The following MICAL2 variants were observed in gnomAD, a reference collection of about 807,000 sequenced individuals.
The protein encoded by MICAL2 is [F-actin]-monooxygenase MICAL2.
In MICAL2, 77 loss-of-function variants were observed where a neutral mutation model predicts 127.3. The observed-to-expected ratio is 0.60, with a 90% CI of 0.50 to 0.73. The LOEUF (loss-of-function observed/expected upper bound fraction) is 0.73. Among genes scored for constraint, MICAL2 ranks in the 30% least tolerant of loss-of-function variants. The pLI is 0.00. For synonymous variants in MICAL2, 570 were observed against 551.1 expected, an observed-to-expected ratio of 1.03 and a Z score of -0.48; for missense variants, 1,351 against 1,434.4, an observed-to-expected ratio of 0.94 and a Z score of 0.94.
At chr11:12,213,233 T>A in intron 6 of MICAL2, 22 bp from the exon 7 acceptor site, 1 of 1,584,464 alleles carries the variant, frequency 6.3e-7, no homozygotes. Flanking sequence ...ATAGACCCAC[T>A]TTTTCATTTC....
At chr11:12,177,663 A>T (rs1856982126) in intron 3 of MICAL2, among the ~76,000 whole-genome samples, 1 of 152,118 alleles carries the variant, frequency 6.6e-6, no homozygotes, top group South Asian at 2.1e-4. Context: ...ATTTTGATTA[A>T]TTTTTGTATA....
In MICAL2 at chr11:12,213,370, C is replaced by A. The variant is rs775293760; in HGVS notation, c.807C>A (p.Ile269=). The A allele has an allele frequency of 2.2e-5, 35 of 1,613,864 alleles. No individual in the cohort carries two copies. The highest frequency in any genetic ancestry group is 1.0e-5 in the Non-Finnish European group (12 of 1,179,904). Residue 269 remains isoleucine, a synonymous_variant, in exon 7 of 28, where the codon ATC becomes ATA. Transcript: ENST00000683283. ...KVEEISGVAF[I]FNQKFFQDLK... is the part of the protein sequence containing the mutation. Reference sequence around the variant, plus strand: ...AAGAGATTAGTGGTGTGGCTTTCATCTTCAATCAGAAATTTTTTCAGGACC... The same window carrying A: ...AAGAGATTAGTGGTGTGGCTTTCATATTCAATCAGAAATTTTTTCAGGACC...
Position 12,284,308 on chromosome 11 carries a change from T to A in MICAL2, c.255-2779T>A, listed in dbSNP as rs184278257. On this transcript the variant is annotated intron_variant, in intron 2 of 2. Transcript: ENST00000529028. ...ATGAAATGATATCATCAGCACCACA[T>A]GGGAAAATACCCTCTCACTCCTTTT... Among the ~76,000 whole-genome samples the A allele has an allele frequency of 6.3e-4, 96 of 152,302 alleles. 1 individual carries two copies. Among genetic ancestry groups the A allele is most frequent in the Non-Finnish European group, 1.2e-3 (85 of 68,028 alleles).
chr11:12,276,186 A>G (rs1863720809), intron 1 of MICAL2: 1 of 398,698 alleles, frequency 2.5e-6, no homozygotes, highest in Non-Finnish European at 4.4e-6. Context: ...GGCTGCTGCC[A>G]GATGGGGACA....
chr11:12,192,432 A>G (rs527493529), intron 3 of MICAL2, among the ~76,000 whole-genome samples: 1 of 152,300 alleles, frequency 6.6e-6, no homozygotes, highest in East Asian at 1.9e-4. Flanking sequence ...AATGGGATGG[A>G]CTGGACTCTG....
chr11:12,152,952 GTT>G (rs796764843), intron 2 of MICAL2, among the ~76,000 whole-genome samples: 3 of 145,066 alleles, frequency 2.1e-5, no homozygotes. Context: ...TGGTGGTAGG[GTT>G]TTTTTTTTTG....
upstream of MICAL2, chr11:12,275,955 A>T (rs544978232): frequency 2.5e-6 from 1 of 399,176 alleles, no homozygotes; most frequent in South Asian, 1.3e-4. Flanking sequence ...CATTTGCACC[A>T]TCTCTCTAGA....
intron 26 of MICAL2, chr11:12,260,977 C>T (rs1164269271): frequency 8.1e-6 from 8 of 985,452 alleles, no homozygotes; most frequent in Non-Finnish European, 9.6e-6. Context: ...GATGCAGTGC[C>T]AAAGATGAGC....
chr11:12,277,157 G>A (rs759819607), intron 1 of MICAL2, among the ~76,000 whole-genome samples: 2 of 152,118 alleles, frequency 1.3e-5, no homozygotes, highest in Non-Finnish European at 2.9e-5. Context: ...GGGCCAGTAG[G>A]GTTCTGCTCT....
At chr11:12,298,124 A>G (rs1268327095) in intron 29 of MICAL2, among the ~76,000 whole-genome samples, 1 of 151,974 alleles carries the variant, frequency 6.6e-6, no homozygotes, top group Non-Finnish European at 1.5e-5. Context: ...GCAAGAACTT[A>G]TAAAATTATG....
intron 31 of MICAL2, among the ~76,000 whole-genome samples, chr11:12,324,913 C>T (rs1006725378): frequency 6.6e-6 from 1 of 152,126 alleles, no homozygotes; most frequent in African/African-American, 2.4e-5. Context: ...TTCCTTGAAA[C>T]ACTGCAACTT....
At chr11:12,325,261 C>G (rs1236993518) in intron 31 of MICAL2, among the ~76,000 whole-genome samples, 1 of 152,098 alleles carries the variant, frequency 6.6e-6, no homozygotes, top group Non-Finnish European at 1.5e-5. Flanking sequence ...AGAAGCCCAC[C>G]ACCACGCCCA....
At chr11:12,241,879 A>C (rs1227407400) in intron 18 of MICAL2, among the ~76,000 whole-genome samples, 5 of 150,386 alleles carry the variant, frequency 3.3e-5, no homozygotes, top group Admixed American at 3.3e-4. Context: ...AGTCCAGAGC[A>C]ATCCAATCGA....
chr11:12,222,087 C>T (rs1415949572), intron 10 of MICAL2, among the ~76,000 whole-genome samples: 1 of 152,182 alleles, frequency 6.6e-6, no homozygotes, highest in Non-Finnish European at 1.5e-5. Context: ...AGGGAATCTT[C>T]CAGGGCAGCG....
chr11:12,209,703 A>G, intron 6 of MICAL2, 105 bp downstream of exon 6: 4 of 1,039,568 alleles, frequency 3.8e-6, no homozygotes, highest in East Asian at 2.4e-5. Flanking sequence ...CCAGAGCTGG[A>G]TGGAGGTTTT....
At chr11:12,275,127 G>A (rs1213777134), upstream of MICAL2, among the ~76,000 whole-genome samples, 2 of 152,196 alleles carry the variant, frequency 1.3e-5, no homozygotes, top group African/African-American at 4.8e-5. Flanking sequence ...TGCTGGCGAG[G>A]TGTTGGCTGG....
intron 1 of MICAL2, chr11:12,121,510 A>C (rs1336013989): frequency 6.6e-6 from 1 of 152,398 alleles, no homozygotes; most frequent in African/African-American, 2.4e-5. Flanking sequence ...CAGCCTCACA[A>C]TCACCTGAAT....
At chr11:12,313,318 T>C (rs1864196113) in intron 29 of MICAL2, among the ~76,000 whole-genome samples, 1 of 152,122 alleles carries the variant, frequency 6.6e-6, no homozygotes, top group Non-Finnish European at 1.5e-5. Context: ...GTTCTGGTTG[T>C]TATGACCTGC....
intron 3 of MICAL2, among the ~76,000 whole-genome samples, chr11:12,188,309 C>A (rs1858590335): frequency 6.6e-6 from 1 of 152,114 alleles, no homozygotes; most frequent in African/African-American, 2.4e-5. Flanking sequence ...AAAAATGTGG[C>A]TATCAGAAAA....
Sources: allele counts gnomAD v4.1 joint callset (sites outside exome capture counted in the v4.1 genomes callset), GRCh38; gene constraint gnomAD v4.1.1; transcripts MANE v1.5; gene names NCBI Gene and HGNC (gene_info 2026-07-23, HGNC 2026-07-21).